The following ADAMTSL1 variants were observed in gnomAD, a reference collection of about 807,000 sequenced individuals.
ADAMTSL1 encodes the protein ADAMTS-like protein 1.
Under a neutral mutation model 201.8 loss-of-function variants are expected in ADAMTSL1, and 126 were observed. The observed-to-expected ratio is 0.62, with a 90% CI of 0.54 to 0.72. The LOEUF (loss-of-function observed/expected upper bound fraction) is 0.72, where lower values mean the gene tolerates loss of function less well. Among genes scored for constraint, ADAMTSL1 ranks in the 30% least tolerant of loss-of-function variants. The pLI, the probability that ADAMTSL1 is intolerant of heterozygous loss-of-function variation, is 0.00. For synonymous variants in ADAMTSL1, 1,121 were observed against 903.4 expected (o/e 1.24, Z -4.32); for missense variants, 2,679 against 2,277.8 (o/e 1.18, Z -3.59).
At chr9:18,470,879 T>C (rs982365910), upstream of ADAMTSL1, among the ~76,000 whole-genome samples, 4 of 152,226 alleles carry the variant, frequency 2.6e-5, no homozygotes, top group South Asian at 2.1e-4. Context: ...TAATATGTTG[T>C]GCATGGAGCC....
chr9:18,528,854 A>G lies in ADAMTSL1; in HGVS notation c.192-4393A>G, dbSNP rs80095556. On this transcript the variant is annotated intron_variant, in intron 2 of 28. Transcript: ENST00000380548. ...TTAAATCCTCTCTTATCATTTGTCT[A>G]TAGCTTTTCTCAGACGTCATTTTGG... is the stretch of plus-strand genomic sequence containing the variant. 7.5e-4 allele frequency among the ~76,000 whole-genome samples: 114 copies of G among 152,220 alleles called. 2 individuals carry two copies. The East Asian group carries it at 0.019, about 26-fold the overall frequency.
At chr9:18,365,872 C>T (rs1165940553) in intron 2 of ADAMTSL1, among the ~76,000 whole-genome samples, 1 of 152,158 alleles carries the variant, frequency 6.6e-6, no homozygotes, top group East Asian at 1.9e-4. Context: ...CAGATTCTTA[C>T]AGGAGTGTGA....
chr9:18,413,645 A>C (rs1212154454), intron 2 of ADAMTSL1, among the ~76,000 whole-genome samples: 2 of 152,288 alleles, frequency 1.3e-5, no homozygotes, highest in East Asian at 3.9e-4. Context: ...ATATTGACTT[A>C]TGATTTGTTT....
At chr9:17,959,068 A>G (rs1321963192) in intron 1 of ADAMTSL1, among the ~76,000 whole-genome samples, 2 of 152,200 alleles carry the variant, frequency 1.3e-5, no homozygotes, top group African/African-American at 4.8e-5. Flanking sequence ...ACTGTAATAT[A>G]GTATTATTTT....
intron 2 of ADAMTSL1, among the ~76,000 whole-genome samples, chr9:18,242,285 G>T (rs1241954290): frequency 6.6e-6 from 1 of 152,020 alleles, no homozygotes; most frequent in East Asian, 1.9e-4. Flanking sequence ...ACTTGATGCA[G>T]AAAAAGCATT....
At chr9:18,070,960 G>A (rs940575780) in intron 1 of ADAMTSL1, among the ~76,000 whole-genome samples, 1 of 152,178 alleles carries the variant, frequency 6.6e-6, no homozygotes, top group Non-Finnish European at 1.5e-5. Context: ...GTTGGTTTAG[G>A]ATCAGGTTCA....
chr9:18,478,571 T>C (rs949096054), intron 1 of ADAMTSL1, among the ~76,000 whole-genome samples: 2 of 152,210 alleles, frequency 1.3e-5, no homozygotes, highest in African/African-American at 4.8e-5. Flanking sequence ...GCTCTGCTTT[T>C]AATTCATGTA....
intron 26 of ADAMTSL1, among the ~76,000 whole-genome samples, chr9:18,902,055 C>T (rs1289484898): frequency 6.6e-6 from 1 of 152,186 alleles, no homozygotes; most frequent in Non-Finnish European, 1.5e-5. Context: ...GGTCAATATA[C>T]CAAGAACATA....
At chr9:18,219,618 C>T (rs1413880936) in intron 2 of ADAMTSL1, among the ~76,000 whole-genome samples, 2 of 152,058 alleles carry the variant, frequency 1.3e-5, no homozygotes, top group African/African-American at 4.8e-5. Context: ...GTCTGCCCAC[C>T]TTGGCCTGGG....
chr9:18,446,882 C>T lies in ADAMTSL1; in HGVS notation c.208-57947C>T, dbSNP rs573867412. Among the ~76,000 whole-genome samples the T allele has an allele frequency of 3.3e-5, 5 of 152,194 alleles. No homozygotes were observed. The South Asian group carries it at 6.2e-4, about 19-fold the overall frequency. On this transcript the variant is annotated intron_variant, in intron 2 of 29. Transcript: ENST00000680146. The stretch of plus-strand genomic sequence containing the variant: ...GTACCTTGAAAGGAGTTCATTGTAA[C>T]GTGATTTCCTATAAAGGCAGTCAGA...
intron 2 of ADAMTSL1, among the ~76,000 whole-genome samples, chr9:18,178,168 C>T (rs1030221572): frequency 3.9e-5 from 6 of 152,268 alleles, no homozygotes; most frequent in East Asian, 3.9e-4. Flanking sequence ...AGTGGGTGAG[C>T]GCACTGTGCG....
intron 1 of ADAMTSL1, among the ~76,000 whole-genome samples, chr9:17,914,342 C>A (rs1256069185): frequency 1.3e-5 from 2 of 152,140 alleles, no homozygotes; most frequent in African/African-American, 4.8e-5. Flanking sequence ...TGGGTTTCAT[C>A]CCTGGGATGC....
At chr9:17,991,301 C>A (rs2131499816) in intron 1 of ADAMTSL1, among the ~76,000 whole-genome samples, 1 of 152,276 alleles carries the variant, frequency 6.6e-6, no homozygotes. Context: ...TTTGTCCTAT[C>A]TATGACCATC....
intron 1 of ADAMTSL1, among the ~76,000 whole-genome samples, chr9:18,013,010 C>T (rs1554679551): frequency 6.8e-6 from 1 of 147,414 alleles, no homozygotes; most frequent in African/African-American, 2.5e-5. Context: ...TTTTCTTTAG[C>T]ACATATTACT....
intron 4 of ADAMTSL1, among the ~76,000 whole-genome samples, chr9:18,579,141 T>G (rs1326075671): frequency 6.6e-6 from 1 of 151,050 alleles, no homozygotes; most frequent in Non-Finnish European, 1.5e-5. Context: ...GTGGCACATA[T>G]ACACCATGGA....
rs1011817057 is a variant in ADAMTSL1 at position 18,614,274 on chromosome 9, C to T, written c.475-7969C>T. ...CAGGTGTGGGGAGGATGTGTATCCT[C>T]GTTCTGCGTGTCTCTTCATTGCCAT... On this transcript the variant is annotated intron_variant, in intron 4 of 28. Coordinates refer to ENST00000380548, the MANE Select transcript of ADAMTSL1 (RefSeq NM_001040272.6). Among the ~76,000 whole-genome samples the T allele has an allele frequency of 2.6e-5, 4 of 152,104 alleles. No homozygotes were observed. The East Asian group carries it at 5.8e-4, about 22-fold the overall frequency.
Position 18,504,899 on chromosome 9 carries a change from G to T in ADAMTSL1, c.134G>T (p.Cys45Phe). 6.2e-7 allele frequency: 1 copy of T among 1,613,204 alleles called. No individual in the cohort carries two copies. Among genetic ancestry groups the T allele is most frequent in the Non-Finnish European group, 8.5e-7 (1 of 1,179,730 alleles). The change falls in exon 2 of 29, where the codon TGC becomes TTC. Residue 45 changes from cysteine (C) to phenylalanine (F), a missense_variant. Coordinates refer to ENST00000380548, the MANE Select transcript of ADAMTSL1 (RefSeq NM_001040272.6). Reference protein sequence around the residue: ...LWDAWGPWSECSRTCGGGASY... With the variant: ...LWDAWGPWSEFSRTCGGGASY... ...GATGCCTGGGGCCCATGGAGTGAAT[G>T]CTCACGCACCTGCGGGGGTGGGGCC...
Position 18,567,661 on chromosome 9 carries a change from T to A in ADAMTSL1, c.238-6369T>A, listed in dbSNP as rs558862772. 2.0e-5 allele frequency among the ~76,000 whole-genome samples: 3 copies of A among 152,086 alleles called. No individual in the cohort carries two copies. In the South Asian group the frequency reaches 6.2e-4, roughly 32 times the overall value. Reference sequence around the variant, plus strand: ...GTCCCCCCCTTATTCTCAGGGAATATGCTCCAAGACCCACAGTGGATGTCT... The same window carrying A: ...GTCCCCCCCTTATTCTCAGGGAATAAGCTCCAAGACCCACAGTGGATGTCT... On this transcript the variant is annotated intron_variant, in intron 3 of 28. Coordinates refer to ENST00000380548, the MANE Select transcript of ADAMTSL1 (RefSeq NM_001040272.6).
intron 1 of ADAMTSL1, among the ~76,000 whole-genome samples, chr9:18,048,588 G>C (rs1298672418): frequency 1.3e-5 from 2 of 152,084 alleles, no homozygotes; most frequent in African/African-American, 4.8e-5. Flanking sequence ...GAGATATATG[G>C]GGATTCTCTG....
Sources: allele counts gnomAD v4.1 joint callset (sites outside exome capture counted in the v4.1 genomes callset), GRCh38; gene constraint gnomAD v4.1.1; transcripts MANE v1.5; gene names NCBI Gene and HGNC (gene_info 2026-07-23, HGNC 2026-07-21).